The following SUGCT variants were observed in gnomAD, a reference collection of about 807,000 sequenced individuals.
SUGCT encodes the protein succinyl-CoA:glutarate-CoA transferase.
Under a neutral mutation model 55.0 loss-of-function variants are expected in SUGCT, and 41 were observed. The ratio of observed to expected loss-of-function variants is 0.74; its 90% CI spans 0.58 to 0.97. The LOEUF (loss-of-function observed/expected upper bound fraction) is 0.97, where lower values mean the gene tolerates loss of function less well. Among genes scored for constraint, SUGCT ranks in the 50% least tolerant of loss-of-function variants. The probability of loss-of-function intolerance (pLI) is 0.00; values close to 1 mark genes in which losing one functional copy is unlikely to be tolerated. For synonymous variants in SUGCT, 187 were observed against 200.4 expected (o/e 0.93, Z 0.56); for missense variants, 568 against 547.8 (o/e 1.04, Z -0.37).
rs562693887 is a variant in SUGCT, at chr7:40,561,453, C to A, written c.1089+65067C>A. Reference sequence around the variant, plus strand: ...CACTTATTGAAACTGAGAGTCCTATCTGTGTCTTCATTTTAGATTTAAGAT... The same window carrying A: ...CACTTATTGAAACTGAGAGTCCTATATGTGTCTTCATTTTAGATTTAAGAT... On this transcript the variant is annotated intron_variant, in intron 12 of 13. Transcript: ENST00000335693. Among the ~76,000 whole-genome samples, 19 of 152,276 alleles carry A rather than the reference C, an allele frequency of 1.2e-4. 1 individual carries two copies. The South Asian group carries it at 3.9e-3, about 32-fold the overall frequency.
At chr7:40,248,797 A>G (rs939652590) in intron 7 of SUGCT, among the ~76,000 whole-genome samples, 1 of 151,982 alleles carries the variant, frequency 6.6e-6, no homozygotes, top group African/African-American at 2.4e-5. Context: ...CCTGTCAGCA[A>G]TGTTTGAGAA....
the SUGCT span, among the ~76,000 whole-genome samples, chr7:40,994,165 T>C: frequency 3.3e-5 from 5 of 152,126 alleles, no homozygotes; most frequent in Admixed American, 1.3e-4. Flanking sequence ...AAGGATGCAA[T>C]GCAGATCAGG....
the SUGCT span, among the ~76,000 whole-genome samples, chr7:40,937,468 G>T: frequency 6.6e-6 from 1 of 152,124 alleles, no homozygotes; most frequent in Non-Finnish European, 1.5e-5. Context: ...CAGTTTAGTT[G>T]TTCTAGTCAT....
chr7:40,907,002 G>C, the SUGCT span, among the ~76,000 whole-genome samples: 1 of 152,218 alleles, frequency 6.6e-6, no homozygotes, highest in South Asian at 2.1e-4. Context: ...GAGCTTAGCT[G>C]GTGCTTCTTT....
At chr7:40,605,544 A>G (rs971031754) in intron 12 of SUGCT, among the ~76,000 whole-genome samples, 2 of 152,224 alleles carry the variant, frequency 1.3e-5, no homozygotes, top group African/African-American at 4.8e-5. Context: ...ACAGACATGA[A>G]TGGGCACCGA....
intron 8 of SUGCT, among the ~76,000 whole-genome samples, chr7:40,281,743 A>G (rs879470301): frequency 3.9e-5 from 6 of 152,220 alleles, no homozygotes; most frequent in Admixed American, 3.9e-4. Flanking sequence ...GAAGACAGAC[A>G]TGTAGACCAA....
chr7:40,306,918 C>T (rs2151089454), intron 8 of SUGCT, among the ~76,000 whole-genome samples: 1 of 152,260 alleles, frequency 6.6e-6, no homozygotes, highest in South Asian at 2.1e-4. Flanking sequence ...ATTTGATATC[C>T]AGTTTCCTCA....
intron 8 of SUGCT, among the ~76,000 whole-genome samples, chr7:40,306,646 C>G (rs899987089): frequency 2.6e-5 from 4 of 152,052 alleles, no homozygotes; most frequent in Non-Finnish European, 4.4e-5. Flanking sequence ...TATCTGTTAT[C>G]TAAAATGTAA....
rs541418581 is a variant in SUGCT at position 40,596,750 on chromosome 7, C to T, written c.1089+100364C>T. Among the ~76,000 whole-genome samples, 12 of 152,252 alleles carry T rather than the reference C, an allele frequency of 7.9e-5. No individual in the cohort carries two copies. In the South Asian group the frequency reaches 2.3e-3, roughly 29 times the overall value. The stretch of plus-strand genomic sequence containing the variant: ...ATTTGCCTCTTGTATTCGTTGCCTT[C>T]CTGTCACTTGTCTTCCCTATTACCT... On this transcript the variant is annotated intron_variant, in intron 12 of 13. Transcript: ENST00000335693.
chr7:40,635,782 T>C (rs2151816396), intron 12 of SUGCT, among the ~76,000 whole-genome samples: 1 of 152,336 alleles, frequency 6.6e-6, no homozygotes, highest in East Asian at 1.9e-4. Context: ...AATTTTGTTT[T>C]CTCCCAATCA....
At chr7:41,015,157 G>C in the SUGCT span, among the ~76,000 whole-genome samples, 10,980 of 152,180 alleles carry the variant, frequency 0.072, 1,323 homozygotes, top group African/African-American at 0.25. Context: ...ACTGAAAAGA[G>C]GAATGGTGGA....
chr7:40,313,736 T>TC (rs1346905313), intron 8 of SUGCT, among the ~76,000 whole-genome samples: 1 of 151,612 alleles, frequency 6.6e-6, no homozygotes, highest in African/African-American at 2.4e-5. Context: ...GCTCAGGTGA[T>TC]CCCCCCATCT....
At chr7:40,873,124 T>C in the SUGCT span, among the ~76,000 whole-genome samples, 1 of 152,264 alleles carries the variant, frequency 6.6e-6, no homozygotes, top group African/African-American at 2.4e-5. Context: ...CTTAAGGACA[T>C]GAAAAAGAGG....
chr7:40,515,795 A>G (rs1462029399), intron 12 of SUGCT, among the ~76,000 whole-genome samples: 2 of 152,198 alleles, frequency 1.3e-5, no homozygotes, highest in Non-Finnish European at 2.9e-5. Flanking sequence ...AGTCTTTTGT[A>G]TGAGCATATG....
At chr7:40,262,363 C>T (rs569765452) in intron 7 of SUGCT, among the ~76,000 whole-genome samples, 1 of 152,022 alleles carries the variant, frequency 6.6e-6, no homozygotes, top group South Asian at 2.1e-4. Context: ...AAGAACAAGC[C>T]ATACCGGCTG....
At chr7:40,907,132 TGTGTGTGTGAGAGA>T in the SUGCT span, among the ~76,000 whole-genome samples, 1,029 of 49,678 alleles carry the variant, frequency 0.021, 5 homozygotes, top group Admixed American at 0.033. Flanking sequence ...TGTGTGTGTG[TGTGTGTGTGAGAGA>T]GAGAGAGAGA....
At chr7:41,011,621 T>C in the SUGCT span, among the ~76,000 whole-genome samples, 1 of 152,206 alleles carries the variant, frequency 6.6e-6, no homozygotes, top group Non-Finnish European at 1.5e-5. Flanking sequence ...TGAGAAGCAC[T>C]GTGTTAGAGT....
At chr7:40,324,252 A>AATAT (rs61431155) in intron 9 of SUGCT, among the ~76,000 whole-genome samples, 1 of 117,618 alleles carries the variant, frequency 8.5e-6, no homozygotes, top group African/African-American at 3.5e-5. Flanking sequence ...TAAATAAATA[A>AATAT]ATATATATAT....
the SUGCT span, among the ~76,000 whole-genome samples, chr7:40,929,680 A>G: frequency 6.6e-6 from 1 of 152,164 alleles, no homozygotes; most frequent in African/African-American, 2.4e-5. Flanking sequence ...AGTGATGATG[A>G]GCATTTTTTC....
Sources: gnomAD v4.1 joint callset for allele counts (sites outside exome capture counted in the v4.1 genomes callset) on GRCh38, gnomAD v4.1.1 for gene constraint, MANE v1.5 for transcripts, NCBI Gene and HGNC (gene_info 2026-07-23, HGNC 2026-07-21) for gene names.